COX7A2L: variants seen among roughly 807,000 people sequenced by gnomAD.
COX7A2L encodes cytochrome c oxidase subunit 7A2 like, also known as cytochrome c oxidase subunit 7A2-like, mitochondrial.
Under a neutral mutation model 14.2 loss-of-function variants are expected in COX7A2L, and 18 were observed. That is an observed-to-expected ratio of 1.27 (90% CI 0.88 to 1.88). The LOEUF (loss-of-function observed/expected upper bound fraction) is 1.88, where lower values mean the gene tolerates loss of function less well. COX7A2L is among the 40% of genes most tolerant of loss of function. The pLI is 0.00. For synonymous variants in COX7A2L, 65 were observed against 57.4 expected (o/e 1.13, Z -0.60); for missense variants, 179 against 138.8 (o/e 1.29, Z -1.46).
In COX7A2L at chr2:42,353,288, G is replaced by A. The variant is rs369383788; in HGVS notation, c.128C>T (p.Thr43Ile). 3 of 1,614,142 alleles carry A rather than the reference G, an allele frequency of 1.9e-6. No homozygotes were observed. The highest frequency in any genetic ancestry group is 2.5e-6 in the Non-Finnish European group (3 of 1,180,020). Residue 43 changes from threonine to isoleucine, a missense_variant, in exon 2 of 3, where the codon ACT becomes ATT. Transcript: ENST00000234301. ...EAPPIIFATP[T>I]KLTSDSTVYD... ...CACTGTGGAATCGGAGGTCAGTTTA[G>A]TTGGTGTGGCAAATATGATAGGTGG...
At chr2:42,358,225 C>T (rs767629145) in intron 1 of COX7A2L, among the ~76,000 whole-genome samples, 102 of 152,254 alleles carry the variant, frequency 6.7e-4, no homozygotes, top group Non-Finnish European at 1.2e-3. Flanking sequence ...TTGTGATTTG[C>T]TCTAATAACT....
intron 1 of COX7A2L, among the ~76,000 whole-genome samples, chr2:42,357,447 T>C (rs1226839080): frequency 6.6e-6 from 1 of 152,138 alleles, no homozygotes; most frequent in Admixed American, 6.5e-5. Flanking sequence ...TAGCTAGGAC[T>C]ACAAGTACGC....
Position 42,367,214 on chromosome 2 carries a change from A to T in COX7A2L, c.-688+1654T>A, listed in dbSNP as rs545568518. Among the ~76,000 whole-genome samples the T allele has an allele frequency of 3.3e-5, 5 of 152,328 alleles. No individual in the cohort carries two copies. In the South Asian group the frequency reaches 1.0e-3, roughly 32 times the overall value. ...GTGACAAGTACATAGGCTGTACCTGACTAACCTGGGTCTGGATCCCAGATC... is the reference window on the plus strand; with the variant it reads ...GTGACAAGTACATAGGCTGTACCTGTCTAACCTGGGTCTGGATCCCAGATC... On this transcript the variant is annotated intron_variant, in intron 1 of 3. Coordinates refer to the COX7A2L transcript ENST00000378669.
chr2:42,340,001 C>T (rs1027134459), intron 2 of COX7A2L, among the ~76,000 whole-genome samples: 2 of 152,178 alleles, frequency 1.3e-5, no homozygotes, highest in African/African-American at 4.8e-5. Context: ...TGAACAATGT[C>T]GCAGACACCC....
downstream of COX7A2L, among the ~76,000 whole-genome samples, chr2:42,347,617 A>G (rs541057333): frequency 6.6e-6 from 1 of 152,294 alleles, no homozygotes; most frequent in East Asian, 1.9e-4. Flanking sequence ...AGGCAAAAAT[A>G]AAACAGGCAA....
At chr2:42,364,355 T>C (rs911325671), upstream of COX7A2L, among the ~76,000 whole-genome samples, 1 of 152,156 alleles carries the variant, frequency 6.6e-6, no homozygotes, top group Non-Finnish European at 1.5e-5. Flanking sequence ...CTGAAGGATT[T>C]TGCCCATTCT....
chr2:42,367,211 C>A (rs1235805622), intron 1 of COX7A2L, among the ~76,000 whole-genome samples: 1 of 152,168 alleles, frequency 6.6e-6, no homozygotes, highest in Non-Finnish European at 1.5e-5. Flanking sequence ...TAGGCTGTAC[C>A]TGACTAACCT....
chr2:42,352,961 G>T lies in COX7A2L; in HGVS notation c.204+251C>A, dbSNP rs984706175. ...TCTTCCATGCAATAAATGATCAAGA[G>T]CTATTCATGCCATTTCAAAACCCTC... On this transcript the variant is annotated intron_variant, in intron 2 of 2. Transcript: ENST00000234301. 1.1e-5 allele frequency: 6 copies of T among 532,854 alleles called. No individual in the cohort carries two copies. The Admixed American group carries it at 1.9e-4, about 17-fold the overall frequency. 33.0% of individuals were successfully genotyped at this position (532,854 alleles called of 1,614,324 possible). A position where few individuals can be genotyped will look rare whatever the true frequency, so the allele number is the denominator to read the frequency against.
At chr2:42,348,303 A>G (rs1469930180), downstream of COX7A2L, among the ~76,000 whole-genome samples, 1 of 152,242 alleles carries the variant, frequency 6.6e-6, no homozygotes. Context: ...CGATATTCCT[A>G]GTCTCAAATA....
chr2:42,340,334 T>A (rs955516432), intron 2 of COX7A2L, among the ~76,000 whole-genome samples: 3 of 152,200 alleles, frequency 2.0e-5, no homozygotes, highest in African/African-American at 7.2e-5. Context: ...TGCCCTCGGC[T>A]GTCACTCCCA....
At chr2:42,359,971 G>C (rs1315881730) in intron 1 of COX7A2L, 2 of 151,944 alleles carry the variant, frequency 1.3e-5, no homozygotes, top group Non-Finnish European at 2.9e-5. Flanking sequence ...AGCGACCCTC[G>C]GCCTCGGCCT....
downstream of COX7A2L, among the ~76,000 whole-genome samples, chr2:42,346,297 G>A (rs142010548): frequency 1.4e-4 from 22 of 152,312 alleles, 1 homozygote; most frequent in East Asian, 3.9e-3. Context: ...GAAAGGACAG[G>A]TACCTTGGAC....
chr2:42,358,473 C>G (rs1474358202), intron 1 of COX7A2L, among the ~76,000 whole-genome samples: 2 of 152,214 alleles, frequency 1.3e-5, no homozygotes, highest in African/African-American at 4.8e-5. Context: ...TTACAAACAT[C>G]TTCATCGTAT....
chr2:42,353,454 T>G (rs1572793815), intron 1 of COX7A2L, 111 bp from the exon 2 acceptor site: 3 of 1,418,674 alleles, frequency 2.1e-6, no homozygotes, highest in East Asian at 4.7e-5. Context: ...TCTCCAACTT[T>G]CCCAGAGCAA....
chr2:42,352,995 A>T, intron 2 of COX7A2L: 1 of 600,088 alleles, frequency 1.7e-6, no homozygotes, highest in South Asian at 2.3e-5. Context: ...TCACACCCTT[A>T]AATACTAATG....
At chr2:42,357,917 C>T (rs934503427) in intron 1 of COX7A2L, among the ~76,000 whole-genome samples, 1 of 152,170 alleles carries the variant, frequency 6.6e-6, no homozygotes, top group Non-Finnish European at 1.5e-5. Flanking sequence ...CACAGTCAAA[C>T]TTACCTACCC....
chr2:42,345,848 G>A (rs1670485557), downstream of COX7A2L, among the ~76,000 whole-genome samples: 1 of 152,178 alleles, frequency 6.6e-6, no homozygotes, highest in Non-Finnish European at 1.5e-5. Flanking sequence ...GCATGGCCTG[G>A]AGGAGGTGAG....
upstream of COX7A2L, chr2:42,361,608 C>G (rs1341389381): frequency 6.2e-6 from 1 of 161,212 alleles, no homozygotes; most frequent in Non-Finnish European, 1.4e-5. Flanking sequence ...TGGGCGTGGT[C>G]TGGGTAGGGG....
At position 42,350,644 on chromosome 2, in the gene COX7A2L, C is replaced by A. The variant is rs1456044485; in HGVS notation, c.*575G>T. On this transcript the variant is annotated 3_prime_UTR_variant, in exon 3 of 3. Transcript: ENST00000234301. ...TAAAGTGCAACACTAAACAGGTATT[C>A]TCTGTTCCCACGGTGGAATAATTAC... 7.0e-6 allele frequency: 1 copy of A among 143,522 alleles called. No homozygotes were observed. The highest frequency in any genetic ancestry group is 1.5e-5 in the Non-Finnish European group (1 of 66,076). The allele number at this position is 143,522 out of a possible 1,614,324, so 8.9% of individuals were successfully genotyped here.
Sources: allele counts gnomAD v4.1 joint callset (sites outside exome capture counted in the v4.1 genomes callset), GRCh38; gene constraint gnomAD v4.1.1; transcripts MANE v1.5; gene names NCBI Gene and HGNC (gene_info 2026-07-23, HGNC 2026-07-21).